PTPN21: variants seen among roughly 807,000 people sequenced by gnomAD.
PTPN21 encodes the protein protein tyrosine phosphatase non-receptor type 21.
PTPN21 carries 77 observed loss-of-function variants against 131.8 expected under a neutral mutation model. The observed-to-expected ratio is 0.58, with a 90% CI of 0.49 to 0.71. PTPN21 has a LOEUF of 0.71. Among genes scored for constraint, PTPN21 ranks in the 30% least tolerant of loss-of-function variants. The probability of loss-of-function intolerance (pLI) is 0.00; values close to 1 mark genes in which losing one functional copy is unlikely to be tolerated. For missense variants in PTPN21, 1,552 were observed against 1,527.1 expected (o/e 1.02, Z -0.27); for synonymous variants, 715 against 621.3 (o/e 1.15, Z -2.24).
chr14:88,474,325 G>A (rs1005462987), intron 13 of PTPN21, among the ~76,000 whole-genome samples: 1 of 151,748 alleles, frequency 6.6e-6, no homozygotes, highest in Admixed American at 6.6e-5. Flanking sequence ...GAGTACCTGG[G>A]ACTACCAGCA....
chr14:88,517,271 C>T lies in PTPN21; in HGVS notation c.181-10G>A. 1.2e-6 allele frequency: 2 copies of T among 1,613,048 alleles called. No individual in the cohort carries two copies. Among genetic ancestry groups the T allele is most frequent in the South Asian group, 2.2e-5 (2 of 91,046 alleles). On this transcript the variant is annotated splice_polypyrimidine_tract_variant and intron_variant, in intron 2 of 18. Coordinates refer to ENST00000556564, the MANE Select transcript of PTPN21 (RefSeq NM_007039.4). Reference sequence around the variant, plus strand: ...GGCTGAAGTAAGTGACCTGGAAAGACAGAAGGTCATTGAAGGAGGCAATAA... The same window carrying T: ...GGCTGAAGTAAGTGACCTGGAAAGATAGAAGGTCATTGAAGGAGGCAATAA...
intron 10 of PTPN21, among the ~76,000 whole-genome samples, chr14:88,491,347 C>T (rs569307535): frequency 6.6e-6 from 1 of 152,270 alleles, no homozygotes; most frequent in Non-Finnish European, 1.5e-5. Context: ...GTAAAGGGGA[C>T]ACCCTGGGAT....
chr14:88,495,168 G>T (rs1379513038), intron 10 of PTPN21, among the ~76,000 whole-genome samples: 1 of 152,106 alleles, frequency 6.6e-6, no homozygotes, highest in Non-Finnish European at 1.5e-5. Flanking sequence ...GTATTCTGAT[G>T]AGAAGTAGTG....
At position 88,496,449 on chromosome 14, in the gene PTPN21, G is replaced by A. The variant is rs149777495; in HGVS notation, c.896C>T (p.Ala299Val). 235 of 1,613,678 alleles carry A rather than the reference G, an allele frequency of 1.5e-4. No individual in the cohort carries two copies. The highest frequency in any genetic ancestry group is 1.9e-4 in the Non-Finnish European group (219 of 1,179,852). ...TAKYIWRLCV[A>V]RHKFYRLNQC... Reference sequence around the variant, plus strand: ...GTTTAGTCTGTAAAACTTGTGTCGCGCAACACAGAGTCTCCAAATGTATTT... The same window carrying A: ...GTTTAGTCTGTAAAACTTGTGTCGCACAACACAGAGTCTCCAAATGTATTT... Residue 299 changes from alanine (A) to valine (V), a missense_variant, in exon 10 of 19, where the codon GCG (alanine) becomes GTG (valine). Physicochemically the swap from Ala to Val is moderately conservative, Grantham distance 64. Transcript: ENST00000556564.
chr14:88,518,640 A>T, intron 2 of PTPN21, among the ~76,000 whole-genome samples: 1 of 150,288 alleles, frequency 6.7e-6, no homozygotes, highest in African/African-American at 2.4e-5. Flanking sequence ...CATGTTGGTC[A>T]GGCTGGTCTC....
At chr14:88,528,484 T>C (rs2139335335) in intron 2 of PTPN21, among the ~76,000 whole-genome samples, 1 of 152,364 alleles carries the variant, frequency 6.6e-6, no homozygotes, top group East Asian at 1.9e-4. Context: ...GCTACTGATT[T>C]GTGTACCTGA....
At chr14:88,535,417 T>C (rs1428808107) in intron 2 of PTPN21, among the ~76,000 whole-genome samples, 1 of 152,194 alleles carries the variant, frequency 6.6e-6, no homozygotes, top group Non-Finnish European at 1.5e-5. Flanking sequence ...GAGCACTAGA[T>C]TTGCAGGCAA....
rs770218868 is a variant in PTPN21 at position 88,517,107 on chromosome 14, T to G, written c.335A>C (p.Gln112Pro). 4.4e-5 allele frequency: 71 copies of G among 1,613,818 alleles called. No homozygotes were observed. Among genetic ancestry groups the G allele is most frequent in the Admixed American group, 8.3e-5 (5 of 59,976 alleles). The change falls in exon 3 of 19, where the codon CAG becomes CCG. Residue 112 changes from glutamine to proline, a missense_variant. By Grantham distance (76) the Gln-to-Pro change is moderately conservative. This residue lies in a region of PTPN21 where 206 missense variants were observed against 221.6 expected (regional missense o/e 0.93). Coordinates refer to ENST00000556564, the MANE Select transcript of PTPN21 (RefSeq NM_007039.4). ...AATTTCTCACCTGGTAATCTCCTGC[T>G]GCAGCTGAGAAACTGAAGGCACATA... ...VFYVPSVSQLQQEITRYQYYL... is the reference protein window; with the variant it reads ...VFYVPSVSQLPQEITRYQYYL...
In PTPN21 at chr14:88,468,065, GAGTT is replaced by G; in HGVS notation, c.*68_*71del. ...GGATCAAGTGTCAACGGGAAAGTAT[GAGTT>G]AGGCAAGCGCTTTTTTTTTAAGCTG... On this transcript the variant is annotated 3_prime_UTR_variant, in exon 19 of 19. Transcript: ENST00000556564. The G allele has an allele frequency of 6.5e-7, 1 of 1,547,122 alleles. No homozygotes were observed. Among genetic ancestry groups the G allele is most frequent in the Non-Finnish European group, 8.9e-7 (1 of 1,124,692 alleles).
chr14:88,518,382 GTGTGTATATATA>G (rs1265002510), intron 2 of PTPN21, among the ~76,000 whole-genome samples: 3 of 12,276 alleles, frequency 2.4e-4, no homozygotes, highest in African/African-American at 5.2e-4. Context: ...GTATGTGTGT[GTGTGTATATATA>G]TATATATATA....
At chr14:88,504,607 A>AT in intron 5 of PTPN21, 112 bp from the exon 6 acceptor site, 1 of 794,596 alleles carries the variant, frequency 1.3e-6, no homozygotes, top group Non-Finnish European at 2.2e-6. Context: ...AATTATGACT[A>AT]TTGTTACTAT....
At chr14:88,524,396 G>C (rs1030943005) in intron 2 of PTPN21, among the ~76,000 whole-genome samples, 1 of 152,146 alleles carries the variant, frequency 6.6e-6, no homozygotes, top group Admixed American at 6.5e-5. Flanking sequence ...TCAGCAAATG[G>C]TGCTGGGGCA....
chr14:88,483,748 A>T (rs1406759444), intron 12 of PTPN21, among the ~76,000 whole-genome samples: 6 of 152,192 alleles, frequency 3.9e-5, no homozygotes. Flanking sequence ...TTTCAGATAC[A>T]GAAAGTTCTT....
At chr14:88,550,714 C>A in intron 1 of PTPN21, 95 bp from the exon 2 acceptor site, 1 of 273,316 alleles carries the variant, frequency 3.7e-6, no homozygotes, top group Non-Finnish European at 7.0e-6. Flanking sequence ...AAGAACAAGC[C>A]GTCCCTCTCC....
At chr14:88,536,497 G>C (rs2082722489) in intron 2 of PTPN21, among the ~76,000 whole-genome samples, 1 of 152,210 alleles carries the variant, frequency 6.6e-6, no homozygotes, top group Non-Finnish European at 1.5e-5. Context: ...CAAAGCAAAA[G>C]AGAGTTTACA....
intron 13 of PTPN21, among the ~76,000 whole-genome samples, chr14:88,474,131 CAAAAAAAAAAAAA>C (rs754719071): frequency 1.1e-4 from 5 of 46,680 alleles, no homozygotes; most frequent in Admixed American, 2.6e-4. Context: ...AGCTGAAGTC[CAAAAAAAAAAAAA>C]AAAAAAAAAA....
intron 2 of PTPN21, among the ~76,000 whole-genome samples, chr14:88,531,813 C>G (rs1328739279): frequency 1.3e-5 from 2 of 151,778 alleles, no homozygotes; most frequent in Non-Finnish European, 1.5e-5. Context: ...AAAACAAAAA[C>G]AAAAAGCTGG....
At chr14:88,495,239 A>G (rs2077892807) in intron 10 of PTPN21, among the ~76,000 whole-genome samples, 1 of 152,192 alleles carries the variant, frequency 6.6e-6, no homozygotes, top group African/African-American at 2.4e-5. Flanking sequence ...TACCACATCC[A>G]ATTCATCAGC....
chr14:88,533,635 T>C (rs2078584642), intron 2 of PTPN21, among the ~76,000 whole-genome samples: 1 of 152,108 alleles, frequency 6.6e-6, no homozygotes, highest in Non-Finnish European at 1.5e-5. Context: ...GTAATCCCAG[T>C]GCTTTGGGAG....
Sources: allele counts gnomAD v4.1 joint callset (sites outside exome capture counted in the v4.1 genomes callset), GRCh38; gene constraint gnomAD v4.1.1; regional missense constraint gnomAD v4.1.1; transcripts MANE v1.5; gene names NCBI Gene and HGNC (gene_info 2026-07-23, HGNC 2026-07-21).